FCHSD2: variants seen among roughly 807,000 people sequenced by gnomAD.
The protein encoded by FCHSD2 is FCH and double SH3 domains 2.
Under a neutral mutation model 108.1 loss-of-function variants are expected in FCHSD2, and 38 were observed. That is an observed-to-expected ratio of 0.35 (90% CI 0.27 to 0.46). The LOEUF is 0.46. Ranked by LOEUF, FCHSD2 falls within the 20% of genes least tolerant of loss-of-function variation. The pLI is 1.00. For synonymous variants in FCHSD2, 279 were observed against 314.7 expected (o/e 0.89, Z 1.20); for missense variants, 751 against 897.8 (o/e 0.84, Z 2.09).
At chr11:72,928,125 T>TAA (rs1591405997) in intron 8 of FCHSD2, among the ~76,000 whole-genome samples, 1 of 152,134 alleles carries the variant, frequency 6.6e-6, no homozygotes, top group East Asian at 1.9e-4. Context: ...TTGATAATGG[T>TAA]TAAAGCTGGA....
At position 73,092,539 on chromosome 11, in the gene FCHSD2, A is replaced by T. The variant is rs1591547086; in HGVS notation, c.120-8799T>A. On this transcript the variant is annotated intron_variant, in intron 2 of 19. Coordinates refer to ENST00000409418, the MANE Select transcript of FCHSD2 (RefSeq NM_014824.3). The stretch of plus-strand genomic sequence containing the variant: ...ATTTAAGTATACTCTGTATCTTAGT[A>T]TTTATATGTTTGGCACAGTGACTGA... Among the ~76,000 whole-genome samples the T allele has an allele frequency of 2.0e-5, 3 of 152,304 alleles. No individual in the cohort carries two copies. In the Middle Eastern group the frequency reaches 0.01, roughly 518 times the overall value.
chr11:72,862,323 G>T (rs1279837417), intron 13 of FCHSD2, among the ~76,000 whole-genome samples: 2 of 152,182 alleles, frequency 1.3e-5, no homozygotes, highest in African/African-American at 4.8e-5. Flanking sequence ...ATTTGCAGGT[G>T]ACACGGTTAT....
chr11:72,922,034 A>G, intron 8 of FCHSD2, 84 bp from the exon 9 acceptor site: 1 of 910,520 alleles, frequency 1.1e-6, no homozygotes, highest in Non-Finnish European at 1.6e-6. Flanking sequence ...AAAAGTAGGT[A>G]TGTTCAGTTT....
intron 2 of FCHSD2, among the ~76,000 whole-genome samples, chr11:73,118,456 A>C (rs1455783754): frequency 1.3e-5 from 2 of 152,208 alleles, no homozygotes; most frequent in Admixed American, 6.5e-5. Flanking sequence ...ACCACAAATT[A>C]GTTCTGCCTG....
At chr11:73,039,466 C>T (rs750130877) in intron 3 of FCHSD2, among the ~76,000 whole-genome samples, 14 of 150,524 alleles carry the variant, frequency 9.3e-5, no homozygotes, top group Non-Finnish European at 1.6e-4. Context: ...AGCAGTGAGC[C>T]GAGACATGCC....
chr11:72,933,972 G>A (rs1024382059), intron 8 of FCHSD2, among the ~76,000 whole-genome samples: 3 of 151,824 alleles, frequency 2.0e-5, no homozygotes, highest in Non-Finnish European at 4.4e-5. Flanking sequence ...AGCCAGGTGT[G>A]GTGGTATGTG....
intron 2 of FCHSD2, among the ~76,000 whole-genome samples, chr11:73,136,889 G>A (rs914454192): frequency 1.1e-4 from 16 of 151,996 alleles, no homozygotes; most frequent in Admixed American, 6.6e-4. Flanking sequence ...AAAATTAGCC[G>A]GGCGTGGTGG....
chr11:72,979,055 C>T (rs1454120898), intron 8 of FCHSD2, among the ~76,000 whole-genome samples: 3 of 151,966 alleles, frequency 2.0e-5, no homozygotes, highest in Non-Finnish European at 2.9e-5. Context: ...GATGGATTTT[C>T]ACCATGTTGG....
At chr11:72,870,866 C>CT (rs1443609448) in intron 12 of FCHSD2, among the ~76,000 whole-genome samples, 3 of 115,734 alleles carry the variant, frequency 2.6e-5, no homozygotes, top group African/African-American at 1.0e-4. Flanking sequence ...CGCCACTGCA[C>CT]TACAGCCTGG....
chr11:73,108,004 AGTT>A (rs1860385527), intron 2 of FCHSD2, among the ~76,000 whole-genome samples: 1 of 152,188 alleles, frequency 6.6e-6, no homozygotes. Flanking sequence ...TATTCTCCAT[AGTT>A]GTTGTACTAA....
At chr11:73,057,514 G>A (rs1859055190) in intron 3 of FCHSD2, among the ~76,000 whole-genome samples, 1 of 152,184 alleles carries the variant, frequency 6.6e-6, no homozygotes. Context: ...GGATATAGGT[G>A]AATGGAAAGG....
intron 8 of FCHSD2, among the ~76,000 whole-genome samples, chr11:72,971,065 C>G (rs535571105): frequency 6.6e-6 from 1 of 152,092 alleles, no homozygotes; most frequent in Admixed American, 6.5e-5. Context: ...CCCTACTGAC[C>G]CCCCTGCCCA....
At chr11:73,084,927 T>C (rs1216526252) in intron 2 of FCHSD2, among the ~76,000 whole-genome samples, 1 of 144,002 alleles carries the variant, frequency 6.9e-6, no homozygotes, top group African/African-American at 2.6e-5. Context: ...ACTGCACCAG[T>C]GCAAAGACCA....
intron 9 of FCHSD2, among the ~76,000 whole-genome samples, chr11:72,915,455 A>T (rs1273242914): frequency 6.6e-6 from 1 of 152,214 alleles, no homozygotes; most frequent in Non-Finnish European, 1.5e-5. Flanking sequence ...GCTTATGTTC[A>T]TTGCAGCACC....
At chr11:72,935,831 T>C (rs578101036) in intron 8 of FCHSD2, among the ~76,000 whole-genome samples, 4 of 152,328 alleles carry the variant, frequency 2.6e-5, no homozygotes, top group Admixed American at 6.5e-5. Context: ...GAAGTTTATG[T>C]CTGTAAATTA....
chr11:72,925,755 C>T (rs1856063474), intron 8 of FCHSD2, among the ~76,000 whole-genome samples: 2 of 152,208 alleles, frequency 1.3e-5, no homozygotes, highest in Non-Finnish European at 2.9e-5. Context: ...CCGGCTAGAG[C>T]AGGGAAGCAT....
At chr11:72,997,362 A>T (rs1857537671) in intron 5 of FCHSD2, among the ~76,000 whole-genome samples, 1 of 152,178 alleles carries the variant, frequency 6.6e-6, no homozygotes, top group South Asian at 2.1e-4. Flanking sequence ...AATCAAGGTG[A>T]TCTAATAGCA....
At chr11:72,961,403 T>G (rs2135372894) in intron 8 of FCHSD2, among the ~76,000 whole-genome samples, 1 of 140,044 alleles carries the variant, frequency 7.1e-6, no homozygotes, top group South Asian at 2.3e-4. Context: ...TTTAAGAAGT[T>G]TTTTGTTGTT....
intron 8 of FCHSD2, among the ~76,000 whole-genome samples, chr11:72,975,282 C>T (rs1281607034): frequency 6.6e-6 from 1 of 152,112 alleles, no homozygotes; most frequent in African/African-American, 2.4e-5. Context: ...GACATCTCTT[C>T]AACATACTGA....
Sources: allele counts gnomAD v4.1 joint callset (sites outside exome capture counted in the v4.1 genomes callset), GRCh38; gene constraint gnomAD v4.1.1; transcripts MANE v1.5; gene names NCBI Gene and HGNC (gene_info 2026-07-23, HGNC 2026-07-21).